GJA8: variants seen among roughly 807,000 people sequenced by gnomAD.
GJA8 encodes the protein gap junction protein alpha 8, also known as gap junction alpha-8 protein.
Under a neutral mutation model 15.3 loss-of-function variants are expected in GJA8, and 13 were observed. The ratio of observed to expected loss-of-function variants is 0.85; its 90% CI spans 0.55 to 1.35. The LOEUF (loss-of-function observed/expected upper bound fraction) is 1.35. GJA8 is among the 40% of genes most tolerant of loss of function. The pLI is 0.00. For synonymous variants in GJA8, 304 were observed against 238.7 expected (o/e 1.27, Z -2.52); for missense variants, 607 against 553.3 (o/e 1.10, Z -0.97).
At chr1:147,909,318 A>C, downstream of GJA8, 1 of 1,214,798 alleles carries the variant, frequency 8.2e-7, no homozygotes, top group Non-Finnish European at 1.2e-6. Context: ...TGAAAGGAAC[A>C]GGTGCCAACA....
At position 147,908,269 on chromosome 1, in the gene GJA8, A is replaced by G; in HGVS notation, c.314A>G (p.Lys105Arg). The stretch of plus-strand genomic sequence containing the variant: ...GTGCACTACGTCCGCATGGAGGAGA[A>G]GCGCAAAAGCCGCGAGGCGGAGGAG... ...HAVHYVRMEE[K>R]RKSREAEELG... Residue 105 changes from lysine to arginine, a missense_variant, in exon 2 of 2, where the codon AAG becomes AGG. Physicochemically the swap from Lys to Arg is conservative, Grantham distance 26. Transcript: ENST00000369235. 6.2e-7 allele frequency: 1 copy of G among 1,614,180 alleles called. No homozygotes were observed. Among genetic ancestry groups the G allele is most frequent in the South Asian group, 1.1e-5 (1 of 91,090 alleles).
downstream of GJA8, among the ~76,000 whole-genome samples, chr1:147,909,884 G>C (rs587769778): frequency 6.6e-6 from 1 of 152,044 alleles, no homozygotes; most frequent in Non-Finnish European, 1.5e-5. Flanking sequence ...CTTTTTTTTA[G>C]ACAGGCTCTC....
chr1:147,912,895 TAAAAAAAAA>T (rs782718322), downstream of GJA8, among the ~76,000 whole-genome samples: 1 of 118,974 alleles, frequency 8.4e-6, no homozygotes. Context: ...GGGCATTATT[TAAAAAAAAA>T]AAAAAAAAAA....
At chr1:147,903,327 A>G (rs1388472372) in intron 1 of GJA8, among the ~76,000 whole-genome samples, 1 of 152,162 alleles carries the variant, frequency 6.6e-6, no homozygotes, top group Non-Finnish European at 1.5e-5. Flanking sequence ...GGAGCACAGG[A>G]AGGGATCTGG....
rs187112644 is a variant in GJA8 at position 147,907,918 on chromosome 1, C to A, written c.-11-27C>A. 4.9e-5 allele frequency: 76 copies of A among 1,537,844 alleles called. No individual in the cohort carries two copies. The East Asian group carries it at 1.5e-3, about 30-fold the overall frequency. The stretch of plus-strand genomic sequence containing the variant: ...TCAGGGTTGCATTGCGGCCGCTCAG[C>A]TCTTGCCTTCTCCCTCATTTCTTCA... On this transcript the variant is annotated intron_variant, in intron 1 of 1. Coordinates refer to ENST00000369235, the MANE Select transcript of GJA8 (RefSeq NM_005267.5).
In GJA8 at chr1:147,908,949, G is replaced by T. The variant is rs143688085; in HGVS notation, c.994G>T (p.Glu332Ter). Residue 332 changes from glutamate to a stop codon, truncating the protein, a stop_gained, in exon 2 of 2, where the codon GAG becomes TAG. Coordinates refer to ENST00000369235, the MANE Select transcript of GJA8 (RefSeq NM_005267.5). LOFTEE classifies it low-confidence loss of function (END_TRUNC). ...SYAQVGAQEV[E>*]GEGPPAEEGA... Reference sequence around the variant, plus strand: ...CGCTCAGGTGGGGGCACAAGAAGTGGAGGGCGAGGGGCCGCCTGCAGAGGA... The same window carrying T: ...CGCTCAGGTGGGGGCACAAGAAGTGTAGGGCGAGGGGCCGCCTGCAGAGGA... 1 of 1,607,054 alleles carries T rather than the reference G, an allele frequency of 6.2e-7. No homozygotes were observed. The highest frequency in any genetic ancestry group is 1.3e-5 in the African/African-American group (1 of 74,708).
chr1:147,912,732 C>T (rs190917881), downstream of GJA8, among the ~76,000 whole-genome samples: 1 of 152,152 alleles, frequency 6.6e-6, no homozygotes, highest in East Asian at 1.9e-4. Context: ...AGCGGGACAT[C>T]AGTAGTACAG....
chr1:147,908,829 C>G lies in GJA8; in HGVS notation c.874C>G (p.Leu292Val). Residue 292 changes from leucine to valine, a missense_variant, in exon 2 of 2, where the codon CTG becomes GTG. Coordinates refer to ENST00000369235, the MANE Select transcript of GJA8 (RefSeq NM_005267.5). ...TEVGMVETSP[L>V]PAKPFNQFEE... ...GGTTGGGATGGTGGAGACCAGCCCACTGCCTGCCAAGCCTTTCAATCAGTT... is the reference window on the plus strand; with the variant it reads ...GGTTGGGATGGTGGAGACCAGCCCAGTGCCTGCCAAGCCTTTCAATCAGTT... 1 of 1,614,208 alleles carries G rather than the reference C, an allele frequency of 6.2e-7. No homozygotes were observed.
chr1:147,913,665 G>C (rs1652269485), downstream of GJA8, among the ~76,000 whole-genome samples: 1 of 152,126 alleles, frequency 6.6e-6, no homozygotes, highest in South Asian at 2.1e-4. Flanking sequence ...AGGGTCATTA[G>C]GCGTGCTCTA....
At chr1:147,906,538 T>C (rs1257461594) in intron 1 of GJA8, among the ~76,000 whole-genome samples, 1 of 152,236 alleles carries the variant, frequency 6.6e-6, no homozygotes, top group Non-Finnish European at 1.5e-5. Context: ...TTTCATTCCA[T>C]AGGACACTAA....
At chr1:147,903,650 G>A (rs1310006463) in intron 1 of GJA8, among the ~76,000 whole-genome samples, 1 of 152,134 alleles carries the variant, frequency 6.6e-6, no homozygotes, top group Admixed American at 6.5e-5. Flanking sequence ...CTGTCTTTTT[G>A]TCTGGTAATG....
At chr1:147,912,998 T>A (rs1652237472), downstream of GJA8, among the ~76,000 whole-genome samples, 1 of 152,084 alleles carries the variant, frequency 6.6e-6, no homozygotes, top group Admixed American at 6.6e-5. Context: ...AGTACAGCAC[T>A]GGACAGATAT....
chr1:147,907,516 T>C (rs1553242427), intron 1 of GJA8, among the ~76,000 whole-genome samples: 2 of 152,120 alleles, frequency 1.3e-5, no homozygotes, highest in Admixed American at 6.5e-5. Context: ...CAGACACCCA[T>C]AGTATAAGGG....
At position 147,909,221 on chromosome 1, in the gene GJA8, C is replaced by T; in HGVS notation, c.1266C>T (p.Ala422=). ...DARPLSRLSK[A]SSRARSDDLT... is the part of the protein sequence containing the mutation. Reference sequence around the variant, plus strand: ...GACCCCTGAGCAGGCTAAGCAAAGCCAGCAGCCGAGCCAGGTCAGACGATC... The same window carrying T: ...GACCCCTGAGCAGGCTAAGCAAAGCTAGCAGCCGAGCCAGGTCAGACGATC... The change falls in exon 2 of 2, where the codon GCC becomes GCT. Residue 422 remains alanine (A), a synonymous_variant. Coordinates refer to ENST00000369235, the MANE Select transcript of GJA8 (RefSeq NM_005267.5). 1 of 1,588,644 alleles carries T rather than the reference C, an allele frequency of 6.3e-7. No homozygotes were observed. The highest frequency in any genetic ancestry group is 1.1e-5 in the South Asian group (1 of 90,630).
At chr1:147,913,099 A>C (rs1404078923), downstream of GJA8, among the ~76,000 whole-genome samples, 6 of 152,086 alleles carry the variant, frequency 3.9e-5, no homozygotes, top group African/African-American at 1.4e-4. Flanking sequence ...TGGGTATTCC[A>C]AGATGCCACT....
chr1:147,908,459 C>A lies in GJA8; in HGVS notation c.504C>A (p.Gly168=), dbSNP rs1651908606. Residue 168 remains glycine, a synonymous_variant, in exon 2 of 2, where the codon GGC becomes GGA. Coordinates refer to ENST00000369235, the MANE Select transcript of GJA8 (RefSeq NM_005267.5). ...TCTTTGAAGTGGGCTTCATCGTGGG[C>A]CACTACTTCCTGTACGGGTTCCGGA... ...KTLFEVGFIV[G]HYFLYGFRIL... 2.5e-6 allele frequency: 4 copies of A among 1,614,214 alleles called. No homozygotes were observed. Among genetic ancestry groups the A allele is most frequent in the Non-Finnish European group, 3.4e-6 (4 of 1,180,036 alleles).
At chr1:147,910,185 T>G (rs1461327070), downstream of GJA8, among the ~76,000 whole-genome samples, 6 of 152,158 alleles carry the variant, frequency 3.9e-5, no homozygotes, top group African/African-American at 1.4e-4. Context: ...TTAATTGAAA[T>G]TTTCAAAATT....
rs11485706 is a variant in GJA8, at chr1:147,908,985, C to A, written c.1030C>A (p.Pro344Thr). The A allele has an allele frequency of 6.3e-7, 1 of 1,596,634 alleles. No homozygotes were observed. The highest frequency in any genetic ancestry group is 8.5e-7 in the Non-Finnish European group (1 of 1,170,608). ...EGPPAEEGAE[P>T]EVGEKKEEAE... ...GCCGCCTGCAGAGGAGGGAGCCGAA[C>A]CCGAGGTGGGAGAGAAGAAGGAGGA... Residue 344 changes from proline to threonine, a missense_variant, in exon 2 of 2, where the codon CCC becomes ACC. By Grantham distance (38) the Pro-to-Thr change is conservative. Transcript: ENST00000369235.
At chr1:147,912,734 G>A (rs965455594), downstream of GJA8, among the ~76,000 whole-genome samples, 1 of 152,086 alleles carries the variant, frequency 6.6e-6, no homozygotes, top group Non-Finnish European at 1.5e-5. Context: ...CGGGACATCA[G>A]TAGTACAGCT....
Sources: gnomAD v4.1 joint callset for allele counts (sites outside exome capture counted in the v4.1 genomes callset) on GRCh38, gnomAD v4.1.1 for gene constraint, MANE v1.5 for transcripts, NCBI Gene and HGNC (gene_info 2026-07-23, HGNC 2026-07-21) for gene names.